CELF2: variants seen among roughly 807,000 people sequenced by gnomAD.
CELF2 encodes CUG triplet repeat RNA-binding protein 2.
Under a neutral mutation model 62.6 loss-of-function variants are expected in CELF2, and 8 were observed. The ratio of observed to expected loss-of-function variants is 0.13; its 90% CI spans 0.07 to 0.23. The LOEUF is 0.23. Among genes scored for constraint, CELF2 ranks in the 10% least tolerant of loss-of-function variants. The probability of loss-of-function intolerance (pLI) is 1.00; values close to 1 mark genes in which losing one functional copy is unlikely to be tolerated. For synonymous variants in CELF2, 258 were observed against 250.0 expected, an observed-to-expected ratio of 1.03 and a Z score of -0.30; for missense variants, 333 against 671.0, an observed-to-expected ratio of 0.50 and a Z score of 5.56.
At chr10:10,674,282 T>C in the CELF2 span, among the ~76,000 whole-genome samples, 1 of 152,230 alleles carries the variant, frequency 6.6e-6, no homozygotes. Context: ...TGTCCTTCAT[T>C]ATCCTTGATA....
chr10:11,171,163 C>T (rs1005676328), intron 2 of CELF2: 23 of 152,216 alleles, frequency 1.5e-4, no homozygotes, highest in Non-Finnish European at 2.9e-4. Context: ...GAGGTCATGG[C>T]ATAACTGCTG....
chr10:10,558,368 C>T, the CELF2 span, among the ~76,000 whole-genome samples: 20,436 of 151,438 alleles, frequency 0.13, 1,480 homozygotes, highest in East Asian at 0.23. Context: ...ACCAGCCTTG[C>T]ATCCCAGGGA....
chr10:10,843,763 T>A (rs973945862), intron 1 of CELF2, among the ~76,000 whole-genome samples: 21 of 152,228 alleles, frequency 1.4e-4, no homozygotes, highest in Admixed American at 8.5e-4. Flanking sequence ...ATTAAAGCAG[T>A]GACGACATTT....
At chr10:10,679,630 T>A in the CELF2 span, among the ~76,000 whole-genome samples, 12 of 152,146 alleles carry the variant, frequency 7.9e-5, no homozygotes, top group Admixed American at 2.6e-4. Context: ...CATGAAAAAA[T>A]TTGAACATAC....
intron 1 of CELF2, among the ~76,000 whole-genome samples, chr10:10,799,127 CA>C (rs2054376446): frequency 6.6e-6 from 1 of 152,138 alleles, no homozygotes; most frequent in South Asian, 2.1e-4. Context: ...TTTTGGGCTT[CA>C]GGGGGGCATT....
chr10:11,329,034 A>G lies in CELF2; in HGVS notation c.1547A>G (p.Asn516Ser). The G allele has an allele frequency of 6.2e-7, 1 of 1,612,608 alleles. No individual in the cohort carries two copies. The highest frequency in any genetic ancestry group is 8.5e-7 in the Non-Finnish European group (1 of 1,178,952). The change falls in exon 13 of 13, where the codon AAC (asparagine) becomes AGC (serine). Residue 516 changes from asparagine to serine, a missense_variant. By Grantham distance (46) the Asn-to-Ser change is conservative. Coordinates refer to ENST00000633077, the MANE Select transcript of CELF2 (RefSeq NM_001326342.2). The surrounding 1 kb of genome is among the most constrained non-coding windows in gnomAD (Gnocchi z 5.5). ...RLKVQLKRSK[N>S]DSKPY ...AAGGTGCAGCTGAAGCGTTCCAAAA[A>G]CGACAGCAAACCTTACTGATCCTAA...
At chr10:10,501,574 T>A in the CELF2 span, among the ~76,000 whole-genome samples, 2 of 152,100 alleles carry the variant, frequency 1.3e-5, no homozygotes, top group East Asian at 3.8e-4. Context: ...GATATTGTAT[T>A]TTTAATTTTA....
In CELF2 at chr10:10,800,189, C is replaced by T. The variant is rs193162352; in HGVS notation, c.53+1372C>T. ...ATTATTTTCTTTTTAAAAAGTACTG[C>T]ATGTCATATTCTAGAACTTTCCACG... On this transcript the variant is annotated intron_variant, in intron 1 of 13. Transcript: ENST00000636488. Among the ~76,000 whole-genome samples the T allele has an allele frequency of 2.0e-5, 3 of 152,288 alleles. No individual in the cohort carries two copies. In the East Asian group the frequency reaches 5.8e-4, roughly 29 times the overall value.
chr10:10,842,582 G>A (rs1005466808), intron 1 of CELF2, among the ~76,000 whole-genome samples: 10 of 151,946 alleles, frequency 6.6e-5, no homozygotes, highest in African/African-American at 2.2e-4. Flanking sequence ...TGTTGATATA[G>A]TAGATTACAT....
chr10:10,547,319 G>C, the CELF2 span, among the ~76,000 whole-genome samples: 1 of 152,004 alleles, frequency 6.6e-6, no homozygotes, highest in Non-Finnish European at 1.5e-5. Context: ...ATTCCCACAT[G>C]ACACAGTAAT....
chr10:10,476,844 A>T, the CELF2 span, among the ~76,000 whole-genome samples: 8 of 152,164 alleles, frequency 5.3e-5, no homozygotes, highest in East Asian at 1.5e-3. Flanking sequence ...TGTTGGCCCC[A>T]TTCTGGCCTT....
intron 1 of CELF2, among the ~76,000 whole-genome samples, chr10:11,094,188 G>A (rs574774680): frequency 3.3e-5 from 5 of 152,308 alleles, no homozygotes; most frequent in Non-Finnish European, 5.9e-5. Context: ...ACCTAGCTGC[G>A]TAACTGAATT....
At chr10:11,301,406 C>A (rs1481374377) in intron 9 of CELF2, among the ~76,000 whole-genome samples, 3 of 103,670 alleles carry the variant, frequency 2.9e-5, no homozygotes, top group East Asian at 3.9e-4. Flanking sequence ...CGCTTCCCCC[C>A]CTCCCGCACC....
rs2095700766 is a variant in CELF2, at chr10:11,325,947, T to C, written c.1406T>C (p.Ile469Thr). The change falls in exon 12 of 13, where the codon ATT becomes ACT. Residue 469 changes from isoleucine to threonine, a missense_variant. Transcript: ENST00000633077. The stretch of plus-strand genomic sequence containing the variant: ...AATGTTATCTCTGCTAAAGTCTTCA[T>C]TGACAAACAGACCAATCTGAGCAAG... ...FGNVISAKVF[I>T]DKQTNLSKCF... 1 of 1,613,978 alleles carries C rather than the reference T, an allele frequency of 6.2e-7. No homozygotes were observed. Among genetic ancestry groups the C allele is most frequent in the Non-Finnish European group, 8.5e-7 (1 of 1,179,964 alleles).
At chr10:10,550,295 C>T in the CELF2 span, among the ~76,000 whole-genome samples, 3 of 152,304 alleles carry the variant, frequency 2.0e-5, no homozygotes, top group East Asian at 1.9e-4. Flanking sequence ...ATAATCTTCA[C>T]ATTGAGTAGA....
chr10:11,264,329 C>T (rs2081565836), intron 5 of CELF2, among the ~76,000 whole-genome samples: 1 of 152,182 alleles, frequency 6.6e-6, no homozygotes, highest in Non-Finnish European at 1.5e-5. Context: ...ATAAACTGTG[C>T]CTTATTGATT....
intron 1 of CELF2, among the ~76,000 whole-genome samples, chr10:11,118,278 C>G (rs1050081415): frequency 6.6e-6 from 1 of 152,030 alleles, no homozygotes; most frequent in Non-Finnish European, 1.5e-5. Flanking sequence ...GCTTGGTGTA[C>G]TGTTTTCAAT....
At chr10:10,840,241 G>A (rs540478210) in intron 1 of CELF2, among the ~76,000 whole-genome samples, 1 of 152,324 alleles carries the variant, frequency 6.6e-6, no homozygotes, top group East Asian at 1.9e-4. Context: ...CCTTATTGCT[G>A]CAGCATAAGT....
chr10:11,112,358 T>C (rs7073060), intron 1 of CELF2, among the ~76,000 whole-genome samples: 26,835 of 152,246 alleles, frequency 0.18, 2,568 homozygotes, highest in Non-Finnish European at 0.22. Flanking sequence ...TGATGTGTTA[T>C]GCAGTACGGG....
Sources: allele counts gnomAD v4.1 joint callset (sites outside exome capture counted in the v4.1 genomes callset), GRCh38; gene constraint gnomAD v4.1.1; non-coding constraint Gnocchi (gnomAD v3.1); transcripts MANE v1.5; gene names NCBI Gene and HGNC (gene_info 2026-07-23, HGNC 2026-07-21).